TYR: variants seen among roughly 807,000 people sequenced by gnomAD.
TYR encodes the protein LB24-AB.
In TYR, 58 loss-of-function variants were observed where a neutral mutation model predicts 51.5. The observed-to-expected ratio is 1.13, with a 90% confidence interval of 0.91 to 1.40. The LOEUF (loss-of-function observed/expected upper bound fraction) is 1.40. TYR is among the 40% of genes most tolerant of loss of function. The pLI, the probability that TYR is intolerant of heterozygous loss-of-function variation, is 0.00. For synonymous variants in TYR, 263 were observed against 235.2 expected, an observed-to-expected ratio of 1.12 and a Z score of -1.08; for missense variants, 732 against 647.4, an observed-to-expected ratio of 1.13 and a Z score of -1.42.
At chr11:89,194,465 T>A (rs1943489675) in intron 2 of TYR, among the ~76,000 whole-genome samples, 1 of 152,060 alleles carries the variant, frequency 6.6e-6, no homozygotes. Context: ...TTTCTTCCCC[T>A]TGTTTAATAA....
intron 4 of TYR, among the ~76,000 whole-genome samples, chr11:89,288,686 T>C (rs1944822123): frequency 6.6e-6 from 1 of 152,016 alleles, no homozygotes; most frequent in South Asian, 2.1e-4. Context: ...GGAGGTTCTC[T>C]TAAGCCCAGG....
chr11:89,292,221 T>C (rs184306132), intron 4 of TYR, among the ~76,000 whole-genome samples: 68 of 152,186 alleles, frequency 4.5e-4, no homozygotes, highest in African/African-American at 1.5e-3. Context: ...TCCTTCACCA[T>C]ATCTTCTGGG....
intron 3 of TYR, among the ~76,000 whole-genome samples, chr11:89,256,127 C>T (rs779817768): frequency 2.0e-5 from 3 of 151,510 alleles, no homozygotes; most frequent in Non-Finnish European, 4.4e-5. Flanking sequence ...GGCTAATGAG[C>T]ACGTAAAATA....
chr11:89,188,131 A>G (rs937334071), intron 1 of TYR, among the ~76,000 whole-genome samples: 2 of 151,002 alleles, frequency 1.3e-5, no homozygotes, highest in Non-Finnish European at 3.0e-5. Context: ...CACTTCCTAG[A>G]CCTACTCCAC....
Position 89,260,019 on chromosome 11 carries a change from A to G in TYR, c.1185-24754A>G, listed in dbSNP as rs548675337. On this transcript the variant is annotated intron_variant, in intron 3 of 4. Transcript: ENST00000263321. ...TTGGACATGTTATTTCCCAGGGGCT[A>G]TGTTTTCTCTGATAACAAAAGTTAT... 1.5e-4 allele frequency among the ~76,000 whole-genome samples: 23 copies of G among 152,188 alleles called. No individual in the cohort carries two copies. The East Asian group carries it at 4.5e-3, about 29-fold the overall frequency.
intron 1 of TYR, among the ~76,000 whole-genome samples, chr11:89,181,254 G>C (rs895413896): frequency 2.0e-5 from 3 of 152,158 alleles, no homozygotes; most frequent in Non-Finnish European, 4.4e-5. Flanking sequence ...GACCTCAAGT[G>C]ATCTGTCCGC....
At chr11:89,195,153 T>C (rs1462534926) in intron 2 of TYR, among the ~76,000 whole-genome samples, 1 of 152,180 alleles carries the variant, frequency 6.6e-6, no homozygotes, top group Non-Finnish European at 1.5e-5. Context: ...AATAAATGCA[T>C]ATGAAATGGA....
intron 1 of TYR, among the ~76,000 whole-genome samples, chr11:89,179,480 T>C (rs1333426109): frequency 6.6e-6 from 1 of 152,180 alleles, no homozygotes. Context: ...CATGCTCTTA[T>C]CAGTCTTTCC....
intron 2 of TYR, among the ~76,000 whole-genome samples, chr11:89,220,822 T>C (rs6483000): frequency 0.21 from 32,569 of 152,030 alleles, 5,115 homozygotes; most frequent in African/African-American, 0.45. Context: ...GATGAAGTTC[T>C]ATAAAAACTT....
At chr11:89,265,220 A>G (rs1457880720) in intron 3 of TYR, among the ~76,000 whole-genome samples, 4 of 152,068 alleles carry the variant, frequency 2.6e-5, no homozygotes, top group African/African-American at 9.6e-5. Context: ...AGATAAAAAC[A>G]ATGATTCTCA....
chr11:89,207,561 A>G (rs1237755353), intron 2 of TYR, among the ~76,000 whole-genome samples: 1 of 152,216 alleles, frequency 6.6e-6, no homozygotes, highest in East Asian at 1.9e-4. Flanking sequence ...CATAAATTCT[A>G]TACAATCTGT....
At chr11:89,288,149 T>C (rs1944813929) in intron 4 of TYR, among the ~76,000 whole-genome samples, 2 of 151,898 alleles carry the variant, frequency 1.3e-5, no homozygotes, top group South Asian at 4.1e-4. Flanking sequence ...AGCCTGAAAC[T>C]CAAAAGCGGT....
intron 2 of TYR, among the ~76,000 whole-genome samples, chr11:89,200,885 C>T (rs1395003232): frequency 6.6e-6 from 1 of 152,132 alleles, no homozygotes; most frequent in Non-Finnish European, 1.5e-5. Context: ...GTAATTTCCT[C>T]AGAGTTTAAT....
intron 3 of TYR, among the ~76,000 whole-genome samples, chr11:89,259,910 A>T (rs1282063165): frequency 6.6e-6 from 1 of 152,080 alleles, no homozygotes; most frequent in African/African-American, 2.4e-5. Context: ...CTTTTTAGTT[A>T]GGAGTTGATG....
At chr11:89,189,390 G>A (rs1266262066) in intron 1 of TYR, among the ~76,000 whole-genome samples, 1 of 151,714 alleles carries the variant, frequency 6.6e-6, no homozygotes, top group East Asian at 1.9e-4. Context: ...TCTAGCTAAA[G>A]GATCAGAGAA....
chr11:89,280,166 C>T (rs911323524), intron 3 of TYR, among the ~76,000 whole-genome samples: 5 of 151,578 alleles, frequency 3.3e-5, no homozygotes, highest in African/African-American at 9.7e-5. Context: ...AGATGCTCAA[C>T]ATTCATCTTG....
In TYR at chr11:89,235,798, A is replaced by T. The variant is rs146649590; in HGVS notation, c.1184+7828A>T. Among the ~76,000 whole-genome samples, 54 of 152,224 alleles carry T rather than the reference A, an allele frequency of 3.5e-4. 1 individual carries two copies. In the East Asian group the frequency reaches 0.01, roughly 28 times the overall value. The stretch of plus-strand genomic sequence containing the variant: ...TGATGATTATAGTAAATAATGATAT[A>T]TTGTATCTTTTAAGATTGCTGAGAG... On this transcript the variant is annotated intron_variant, in intron 3 of 4. Coordinates refer to ENST00000263321, the MANE Select transcript of TYR (RefSeq NM_000372.5).
At position 89,202,692 on chromosome 11, in the gene TYR, C is replaced by T. The variant is rs191662829; in HGVS notation, c.1036+11274C>T. Reference sequence around the variant, plus strand: ...AGGAAACTTTAATTTTAGTAAATGCCTCAGATGATTTTTATGATCAGGCAT... The same window carrying T: ...AGGAAACTTTAATTTTAGTAAATGCTTCAGATGATTTTTATGATCAGGCAT... On this transcript the variant is annotated intron_variant, in intron 2 of 4. Transcript: ENST00000263321. Among the ~76,000 whole-genome samples, 498 of 145,200 alleles carry T rather than the reference C, an allele frequency of 3.4e-3. 1 individual carries two copies. The highest frequency in any genetic ancestry group is 7.1e-3 in the African/African-American group (272 of 38,316).
At chr11:89,249,002 G>A (rs1167969000) in intron 3 of TYR, among the ~76,000 whole-genome samples, 1 of 152,072 alleles carries the variant, frequency 6.6e-6, no homozygotes. Context: ...GAGAAGAGTG[G>A]AGATGTTTAC....
Sources: gnomAD v4.1 joint callset for allele counts (sites outside exome capture counted in the v4.1 genomes callset) on GRCh38, gnomAD v4.1.1 for gene constraint, MANE v1.5 for transcripts, NCBI Gene and HGNC (gene_info 2026-07-23, HGNC 2026-07-21) for gene names.